CYP39A1: variants seen among roughly 807,000 people sequenced by gnomAD.
The protein encoded by CYP39A1 is 24-hydroxycholesterol 7-alpha-hydroxylase.
In CYP39A1, 49 loss-of-function variants were observed where a neutral mutation model predicts 58.1. The ratio of observed to expected loss-of-function variants is 0.84; its 90% CI spans 0.67 to 1.07. The LOEUF (loss-of-function observed/expected upper bound fraction) is 1.07. Among genes scored for constraint, CYP39A1 ranks in the 50% least tolerant of loss-of-function variants. The pLI is 0.00. For synonymous variants in CYP39A1, 209 were observed against 187.6 expected, an observed-to-expected ratio of 1.11 and a Z score of -0.93; for missense variants, 531 against 539.4, an observed-to-expected ratio of 0.98 and a Z score of 0.16.
intron 6 of CYP39A1, among the ~76,000 whole-genome samples, chr6:46,630,158 A>T (rs1309678376): frequency 6.6e-6 from 1 of 152,088 alleles, no homozygotes; most frequent in African/African-American, 2.4e-5. Context: ...ACAGTTTTTT[A>T]AGTCTTGCCT....
intron 7 of CYP39A1, among the ~76,000 whole-genome samples, chr6:46,608,119 A>G (rs536248259): frequency 3.3e-5 from 5 of 152,376 alleles, no homozygotes; most frequent in Admixed American, 1.3e-4. Context: ...AAATTTTACA[A>G]TAGTAATATC....
chr6:46,615,803 G>T (rs902324061), intron 7 of CYP39A1, among the ~76,000 whole-genome samples: 1 of 151,118 alleles, frequency 6.6e-6, no homozygotes, highest in African/African-American at 2.4e-5. Context: ...AGAGTTTTGT[G>T]AGCCCACAGT....
intron 7 of CYP39A1, among the ~76,000 whole-genome samples, chr6:46,618,244 A>G (rs2150562082): frequency 6.6e-6 from 1 of 152,262 alleles, no homozygotes; most frequent in South Asian, 2.1e-4. Flanking sequence ...ATTATTAACC[A>G]TCTTCCCAAA....
At chr6:46,617,427 T>C (rs1774677983) in intron 7 of CYP39A1, among the ~76,000 whole-genome samples, 1 of 152,064 alleles carries the variant, frequency 6.6e-6, no homozygotes, top group South Asian at 2.1e-4. Context: ...AAACCTACCA[T>C]CATGGCCACA....
chr6:46,619,530 G>A (rs1416801306), intron 7 of CYP39A1, among the ~76,000 whole-genome samples: 1 of 151,928 alleles, frequency 6.6e-6, no homozygotes, highest in African/African-American at 2.4e-5. Context: ...ATCACCAAGG[G>A]CAGAGTTGGG....
At chr6:46,599,071 T>C (rs570677013) in intron 7 of CYP39A1, among the ~76,000 whole-genome samples, 1 of 152,268 alleles carries the variant, frequency 6.6e-6, no homozygotes, top group South Asian at 2.1e-4. Flanking sequence ...TGGGGTTGCA[T>C]ATGCAACACG....
chr6:46,592,030 A>G (rs1208877165), intron 8 of CYP39A1, among the ~76,000 whole-genome samples: 2 of 152,188 alleles, frequency 1.3e-5, no homozygotes, highest in African/African-American at 4.8e-5. Flanking sequence ...TTGAAGATAA[A>G]CTTTTCTACT....
At chr6:46,644,685 G>A (rs779422456) in intron 1 of CYP39A1, among the ~76,000 whole-genome samples, 1 of 152,112 alleles carries the variant, frequency 6.6e-6, no homozygotes, top group Non-Finnish European at 1.5e-5. Context: ...AGGTCATATG[G>A]TTGGCTGCGT....
chr6:46,592,931 G>C (rs182107792), intron 8 of CYP39A1, among the ~76,000 whole-genome samples: 1 of 151,672 alleles, frequency 6.6e-6, no homozygotes, highest in African/African-American at 2.4e-5. Flanking sequence ...ACTCCAGCAT[G>C]GGCAACAGAG....
rs1774932505 is a variant in CYP39A1 at position 46,621,141 on chromosome 6, A to G, written c.931+4277T>C. On this transcript the variant is annotated intron_variant, in intron 7 of 11. Transcript: ENST00000275016. ...TTAAAAAATCAAGAGTTGAACCACTATAAGTAGAAGACTGTCTGAATAGAT... is the reference window on the plus strand; with the variant it reads ...TTAAAAAATCAAGAGTTGAACCACTGTAAGTAGAAGACTGTCTGAATAGAT... Among the ~76,000 whole-genome samples, 4 of 152,154 alleles carry G rather than the reference A, an allele frequency of 2.6e-5. No homozygotes were observed. In the South Asian group the frequency reaches 6.2e-4, roughly 24 times the overall value.
rs150392328 is a variant in CYP39A1, at chr6:46,566,874, A to G, written c.1251-13020T>C. Among the ~76,000 whole-genome samples the G allele has an allele frequency of 2.6e-3, 389 of 152,124 alleles. 2 individuals are homozygous for G. Among genetic ancestry groups the G allele is most frequent in the African/African-American group, 9.1e-3 (376 of 41,520 alleles). On this transcript the variant is annotated intron_variant, in intron 10 of 11. Transcript: ENST00000275016. ...TACACACACATACATATATGCACAC[A>G]TATATACATGTACCCATATATACAC...
At chr6:46,643,940 T>C (rs548555789) in intron 1 of CYP39A1, among the ~76,000 whole-genome samples, 3 of 152,312 alleles carry the variant, frequency 2.0e-5, no homozygotes, top group East Asian at 3.9e-4. Flanking sequence ...TTGTAGATTA[T>C]CATGCGGTTG....
At chr6:46,562,759 T>C (rs1417929582) in intron 10 of CYP39A1, among the ~76,000 whole-genome samples, 1 of 152,110 alleles carries the variant, frequency 6.6e-6, no homozygotes, top group Non-Finnish European at 1.5e-5. Context: ...TTTACCAATG[T>C]ATTAAAACAA....
At chr6:46,628,237 T>C (rs1775437259) in intron 6 of CYP39A1, among the ~76,000 whole-genome samples, 1 of 152,212 alleles carries the variant, frequency 6.6e-6, no homozygotes, top group Admixed American at 6.5e-5. Context: ...ATAATTCCTG[T>C]CCAAAGTATT....
At chr6:46,569,215 T>TA (rs1771453448) in intron 10 of CYP39A1, among the ~76,000 whole-genome samples, 1 of 152,136 alleles carries the variant, frequency 6.6e-6, no homozygotes, top group South Asian at 2.1e-4. Context: ...AATGGATTTT[T>TA]TGTGTGTTCA....
chr6:46,597,014 T>C (rs1398590523), intron 7 of CYP39A1, among the ~76,000 whole-genome samples: 1 of 152,030 alleles, frequency 6.6e-6, no homozygotes, highest in African/African-American at 2.4e-5. Flanking sequence ...TGGGTAAGAG[T>C]AGAACTAGGG....
intron 10 of CYP39A1, among the ~76,000 whole-genome samples, chr6:46,579,622 C>T (rs1772013936): frequency 1.3e-5 from 2 of 152,150 alleles, no homozygotes; most frequent in Non-Finnish European, 2.9e-5. Flanking sequence ...ACTGTCTGTC[C>T]CAAATCTCCT....
intron 10 of CYP39A1, among the ~76,000 whole-genome samples, chr6:46,555,365 C>T (rs1770621394): frequency 6.6e-6 from 1 of 152,200 alleles, no homozygotes; most frequent in South Asian, 2.1e-4. Flanking sequence ...GCTACTGCAC[C>T]ACATTGTGAT....
intron 8 of CYP39A1, among the ~76,000 whole-genome samples, chr6:46,589,554 G>A (rs904260865): frequency 1.3e-5 from 2 of 152,082 alleles, no homozygotes; most frequent in Non-Finnish European, 2.9e-5. Flanking sequence ...TGGCTCTAGT[G>A]GCAGCTGAGT....
Sources: gnomAD v4.1 joint callset for allele counts (sites outside exome capture counted in the v4.1 genomes callset) on GRCh38, gnomAD v4.1.1 for gene constraint, MANE v1.5 for transcripts, NCBI Gene and HGNC (gene_info 2026-07-23, HGNC 2026-07-21) for gene names.